CCDC18: variants seen among roughly 807,000 people sequenced by gnomAD.
The protein encoded by CCDC18 is coiled-coil domain-containing protein 18.
Under a neutral mutation model 196.0 loss-of-function variants are expected in CCDC18, and 157 were observed. That is an observed-to-expected ratio of 0.80 (90% CI 0.70 to 0.91). The LOEUF (loss-of-function observed/expected upper bound fraction) is 0.91. CCDC18 is among the 40% of genes least tolerant of loss of function. The probability of loss-of-function intolerance (pLI) is 0.00; values close to 1 mark genes in which losing one functional copy is unlikely to be tolerated. For missense variants in CCDC18, 1,465 were observed against 1,611.6 expected (o/e 0.91, Z 1.56); for synonymous variants, 482 against 529.2 (o/e 0.91, Z 1.22).
upstream of CCDC18, chr1:93,180,085 G>A (rs1649261918): frequency 6.2e-7 from 1 of 1,613,632 alleles, no homozygotes. Context: ...GGCCTTCAGG[G>A]GCATGGGCTG....
chr1:93,181,472 T>C (rs1426564464), intron 1 of CCDC18, among the ~76,000 whole-genome samples: 1 of 152,176 alleles, frequency 6.6e-6, no homozygotes, highest in Non-Finnish European at 1.5e-5. Context: ...TTTCTAGGTA[T>C]GCATAGTCAG....
intron 7 of CCDC18, among the ~76,000 whole-genome samples, chr1:93,203,963 A>T (rs1654281723): frequency 6.6e-6 from 1 of 152,160 alleles, no homozygotes; most frequent in Non-Finnish European, 1.5e-5. Flanking sequence ...CTGAAATGGG[A>T]GAAATGGAAA....
At chr1:93,214,119 G>T (rs1047676799) in intron 11 of CCDC18, among the ~76,000 whole-genome samples, 4 of 152,126 alleles carry the variant, frequency 2.6e-5, no homozygotes, top group Non-Finnish European at 5.9e-5. Flanking sequence ...TTTGAGACAG[G>T]ATCTTGCCAT....
In CCDC18 at chr1:93,192,107, G is replaced by A. The variant is rs375442887; in HGVS notation, c.569+1G>A. 7 of 1,572,716 alleles carry A rather than the reference G, an allele frequency of 4.5e-6. No individual in the cohort carries two copies. Among genetic ancestry groups the A allele is most frequent in the Middle Eastern group, 1.7e-4 (1 of 5,776 alleles). On this transcript the variant is annotated splice_donor_variant, in intron 5 of 28. Coordinates refer to ENST00000690025, the MANE Select transcript of CCDC18 (RefSeq NM_001378204.1). LOFTEE classifies it high-confidence loss of function. Reference sequence around the variant, plus strand: ...TTTCAGCTCAAGATAAAGTTTTGAGGTAAATATACTTTTTATAGCTCTCAA... The same window carrying A: ...TTTCAGCTCAAGATAAAGTTTTGAGATAAATATACTTTTTATAGCTCTCAA...
chr1:93,201,012 AC>A (rs1653733320), intron 6 of CCDC18, among the ~76,000 whole-genome samples: 1 of 152,188 alleles, frequency 6.6e-6, no homozygotes, highest in Admixed American at 6.5e-5. Flanking sequence ...TTTATCTGAA[AC>A]TTTGGAGTCA....
In CCDC18 at chr1:93,193,536, A is replaced by C. The variant is rs951430377; in HGVS notation, c.570-80A>C. 30 of 913,496 alleles carry C rather than the reference A, an allele frequency of 3.3e-5. No homozygotes were observed. The Admixed American group carries it at 6.9e-4, about 21-fold the overall frequency. 56.6% of individuals were successfully genotyped at this position (913,496 alleles called of 1,614,324 possible). On this transcript the variant is annotated intron_variant, in intron 5 of 28. Coordinates refer to ENST00000690025, the MANE Select transcript of CCDC18 (RefSeq NM_001378204.1). ...TTAACTCATTGATTTAAACAAATAT[A>C]ATTCCTAATATTAAATTATTCTTGC...
intron 12 of CCDC18, among the ~76,000 whole-genome samples, chr1:93,215,842 C>T (rs1012507935): frequency 2.0e-5 from 3 of 152,170 alleles, no homozygotes; most frequent in East Asian, 1.9e-4. Flanking sequence ...GAAACAACTA[C>T]GCAAGGAATT....
chr1:93,253,427 T>C (rs988902773), intron 23 of CCDC18, among the ~76,000 whole-genome samples: 2 of 152,170 alleles, frequency 1.3e-5, no homozygotes, highest in East Asian at 1.9e-4. Context: ...AGCAAGTCCC[T>C]GCACAGACAG....
At chr1:93,245,259 G>A (rs886980600) in intron 21 of CCDC18, among the ~76,000 whole-genome samples, 2 of 152,154 alleles carry the variant, frequency 1.3e-5, no homozygotes, top group Admixed American at 1.3e-4. Flanking sequence ...TATTTGCATA[G>A]ATAGAAGTTA....
chr1:93,180,297 C>A, upstream of CCDC18: 1 of 1,534,518 alleles, frequency 6.5e-7, no homozygotes, highest in South Asian at 1.2e-5. Flanking sequence ...TGTCTCCGCT[C>A]CGCGTTTCCT....
chr1:93,247,015 A>C, intron 23 of CCDC18, 61 bp downstream of exon 23: 1 of 715,340 alleles, frequency 1.4e-6, no homozygotes, highest in Non-Finnish European at 2.4e-6. Context: ...ACTGTAACTA[A>C]AAACACCCCT....
chr1:93,218,041 A>C (rs1421978789), intron 14 of CCDC18, among the ~76,000 whole-genome samples, 172 bp downstream of exon 14: 1 of 152,196 alleles, frequency 6.6e-6, no homozygotes, highest in Non-Finnish European at 1.5e-5. Context: ...AACAGAATAT[A>C]GTATGCCTTC....
intron 8 of CCDC18, among the ~76,000 whole-genome samples, 184 bp downstream of exon 8, chr1:93,205,815 C>G (rs546337999): frequency 6.6e-6 from 1 of 152,142 alleles, no homozygotes; most frequent in African/African-American, 2.4e-5. Context: ...TGTGTTAATG[C>G]TAATAATATT....
chr1:93,189,051 T>TA (rs1057200437), intron 4 of CCDC18, among the ~76,000 whole-genome samples: 8 of 152,336 alleles, frequency 5.3e-5, no homozygotes, highest in African/African-American at 1.9e-4. Flanking sequence ...TGTTGTGCTA[T>TA]AAAATAGTAG....
At chr1:93,202,041 C>A in intron 7 of CCDC18, 53 bp downstream of exon 7, 3 of 993,180 alleles carry the variant, frequency 3.0e-6, no homozygotes, top group Admixed American at 2.1e-5. Flanking sequence ...TATATTCCAA[C>A]AGTAAAGGTA....
intron 3 of CCDC18, among the ~76,000 whole-genome samples, chr1:93,185,371 G>A (rs1650467928): frequency 6.6e-6 from 1 of 151,834 alleles, no homozygotes; most frequent in Admixed American, 6.6e-5. Flanking sequence ...CTGGAAAAAC[G>A]ATACTGTAGA....
intron 23 of CCDC18, among the ~76,000 whole-genome samples, chr1:93,252,189 T>C (rs797681): frequency 0.47 from 71,867 of 151,850 alleles, 20,178 homozygotes; most frequent in African/African-American, 0.79. Context: ...AGGTGCATGC[T>C]GCCACACCTG....
chr1:93,216,645 A>T lies in CCDC18; in HGVS notation c.1729A>T (p.Lys577Ter), dbSNP rs1375542617. ...SSKLESEMTK[K>*]CSQLLTLEKQ... ...TTCAATGTGTTTTCAGATGACAAAGAAATGTTCTCAACTTTTAACTCTTGA... is the reference window on the plus strand; with the variant it reads ...TTCAATGTGTTTTCAGATGACAAAGTAATGTTCTCAACTTTTAACTCTTGA... Residue 577 changes from lysine (K) to a stop codon, truncating the protein, a stop_gained, in exon 13 of 29, where the codon AAA becomes TAA. Coordinates refer to ENST00000690025, the MANE Select transcript of CCDC18 (RefSeq NM_001378204.1). LOFTEE classifies it high-confidence loss of function. The T allele has an allele frequency of 4.6e-6, 7 of 1,519,412 alleles. No homozygotes were observed. Among genetic ancestry groups the T allele is most frequent in the Non-Finnish European group, 6.2e-6 (7 of 1,120,374 alleles). 94.1% of individuals were successfully genotyped at this position (1,519,412 alleles called of 1,614,324 possible). A position where few individuals can be genotyped will look rare whatever the true frequency, so the allele number is the denominator to read the frequency against.
chr1:93,198,653 A>T (rs1470310772), intron 6 of CCDC18, among the ~76,000 whole-genome samples: 1 of 151,770 alleles, frequency 6.6e-6, no homozygotes, highest in Non-Finnish European at 1.5e-5. Flanking sequence ...TATAGTCTTA[A>T]TTTTTTTTTA....
Sources: gnomAD v4.1 joint callset for allele counts (sites outside exome capture counted in the v4.1 genomes callset) on GRCh38, gnomAD v4.1.1 for gene constraint, MANE v1.5 for transcripts, NCBI Gene and HGNC (gene_info 2026-07-23, HGNC 2026-07-21) for gene names.